NALCN: variants seen among roughly 807,000 people sequenced by gnomAD.
NALCN encodes the protein sodium leak channel, non-selective.
In NALCN, 111 loss-of-function variants were observed where a neutral mutation model predicts 225.3. That is an observed-to-expected ratio of 0.49 (90% CI 0.42 to 0.58). The LOEUF is 0.58. Ranked by LOEUF, NALCN falls within the 20% of genes least tolerant of loss-of-function variation. The probability of loss-of-function intolerance (pLI) is 0.00; values close to 1 mark genes in which losing one functional copy is unlikely to be tolerated. For missense variants in NALCN, 1,378 were observed against 2,202.4 expected, an observed-to-expected ratio of 0.63 and a Z score of 7.49; for synonymous variants, 764 against 769.0, an observed-to-expected ratio of 0.99 and a Z score of 0.11.
At chr13:101,271,098 C>T (rs1183905767) in intron 10 of NALCN, among the ~76,000 whole-genome samples, 3 of 152,012 alleles carry the variant, frequency 2.0e-5, no homozygotes, top group Non-Finnish European at 4.4e-5. Flanking sequence ...ATGTGGCATG[C>T]AAATAATTTT....
At chr13:101,061,872 C>T (rs185573095) in intron 41 of NALCN, 96 bp downstream of exon 41, 49 of 1,178,076 alleles carry the variant, frequency 4.2e-5, no homozygotes, top group Non-Finnish European at 5.9e-6. Flanking sequence ...ACAGAAGGAG[C>T]TAATCCCATG....
chr13:101,268,872 T>C (rs1379750101), intron 10 of NALCN, among the ~76,000 whole-genome samples: 1 of 152,210 alleles, frequency 6.6e-6, no homozygotes, highest in Non-Finnish European at 1.5e-5. Context: ...ATTTAAACTA[T>C]CTTATAGAAC....
At chr13:101,102,321 C>T (rs1192781801) in intron 26 of NALCN, among the ~76,000 whole-genome samples, 1 of 151,892 alleles carries the variant, frequency 6.6e-6, no homozygotes, top group Non-Finnish European at 1.5e-5. Context: ...GATATATATA[C>T]CTCTAGTAAC....
At chr13:101,250,334 G>C (rs909721325) in intron 11 of NALCN, among the ~76,000 whole-genome samples, 2 of 151,958 alleles carry the variant, frequency 1.3e-5, no homozygotes, top group Non-Finnish European at 2.9e-5. Context: ...ATCTGAAGAA[G>C]AATATCAACA....
At chr13:101,259,266 G>A (rs2140219395) in intron 10 of NALCN, among the ~76,000 whole-genome samples, 1 of 151,908 alleles carries the variant, frequency 6.6e-6, no homozygotes, top group Non-Finnish European at 1.5e-5. Context: ...ACCCAAGTCT[G>A]GTCCAAGTCT....
intron 3 of NALCN, among the ~76,000 whole-genome samples, chr13:101,393,679 T>G (rs35431211): frequency 0.037 from 5,649 of 152,224 alleles, 145 homozygotes; most frequent in Admixed American, 0.073. Flanking sequence ...TGGTGGCTTA[T>G]GCCTGTAATC....
At chr13:101,180,005 T>C (rs7318192) in intron 14 of NALCN, among the ~76,000 whole-genome samples, 37,764 of 151,988 alleles carry the variant, frequency 0.25, 5,442 homozygotes, top group Non-Finnish European at 0.33. Flanking sequence ...TTGTGCTCTT[T>C]TGTGTCTTAC....
chr13:101,109,456 T>C (rs2035313570), intron 20 of NALCN, among the ~76,000 whole-genome samples: 1 of 152,126 alleles, frequency 6.6e-6, no homozygotes, highest in South Asian at 2.1e-4. Context: ...TTCTACAGAA[T>C]GAAAGCAGAT....
Position 101,106,990 on chromosome 13 carries a change from G to A in NALCN, c.2579+497C>T, listed in dbSNP as rs988324576. Among the ~76,000 whole-genome samples the A allele has an allele frequency of 3.9e-5, 6 of 152,110 alleles. No homozygotes were observed. In the East Asian group the frequency reaches 5.8e-4, roughly 15 times the overall value. On this transcript the variant is annotated intron_variant, in intron 22 of 43. Coordinates refer to ENST00000251127, the MANE Select transcript of NALCN (RefSeq NM_052867.4). ...ACGGCTTCTTACACATTTCTTCCAT[G>A]TTGGTAGGGTAGAGACAGTGAACAG...
intron 10 of NALCN, among the ~76,000 whole-genome samples, chr13:101,280,886 T>C (rs1347196944): frequency 1.3e-5 from 2 of 149,764 alleles, no homozygotes; most frequent in African/African-American, 5.0e-5. Flanking sequence ...CTCTCTCTTT[T>C]TTTTTTTTTT....
At chr13:101,067,638 GC>G (rs1214806795) in intron 39 of NALCN, among the ~76,000 whole-genome samples, 4 of 152,118 alleles carry the variant, frequency 2.6e-5, no homozygotes, top group Admixed American at 1.3e-4. Flanking sequence ...TCTGGCCTGA[GC>G]CCAAGGCTGA....
chr13:101,202,366 A>G (rs1191284701), intron 13 of NALCN, among the ~76,000 whole-genome samples: 1 of 152,186 alleles, frequency 6.6e-6, no homozygotes, highest in Non-Finnish European at 1.5e-5. Flanking sequence ...TATGGTAAAT[A>G]AAAGCTCCAG....
intron 7 of NALCN, among the ~76,000 whole-genome samples, chr13:101,342,741 G>A (rs1344854784): frequency 6.6e-6 from 1 of 152,088 alleles, no homozygotes; most frequent in African/African-American, 2.4e-5. Flanking sequence ...TTGATATTTG[G>A]ATGATTTTGG....
At chr13:101,211,635 G>C (rs552679468) in intron 13 of NALCN, among the ~76,000 whole-genome samples, 48 of 134,508 alleles carry the variant, frequency 3.6e-4, no homozygotes, top group Non-Finnish European at 6.4e-4. Context: ...TGGGGGGGGA[G>C]ACAATGACAA....
chr13:101,401,604 G>A (rs1478840243), intron 1 of NALCN, among the ~76,000 whole-genome samples: 1 of 152,086 alleles, frequency 6.6e-6, no homozygotes. Flanking sequence ...TTATGGATTT[G>A]TTTATCTAGA....
Position 101,104,514 on chromosome 13 carries a change from C to A in NALCN, c.2757+16G>T. 1 of 1,613,684 alleles carries A rather than the reference C, an allele frequency of 6.2e-7. No homozygotes were observed. Among genetic ancestry groups the A allele is most frequent in the Admixed American group, 1.7e-5 (1 of 59,990 alleles). ...CTCCTAGTTGTAAGCTGAGATTTTG[C>A]AGCGGTAAGCGGTACCTGCAAAGTA... On this transcript the variant is annotated intron_variant, in intron 24 of 43. Coordinates refer to ENST00000251127, the MANE Select transcript of NALCN (RefSeq NM_052867.4). The surrounding 1 kb of genome is among the most constrained non-coding windows in gnomAD (Gnocchi z 4.2).
chr13:101,102,603 GC>G (rs771771570), intron 26 of NALCN, among the ~76,000 whole-genome samples: 1 of 152,150 alleles, frequency 6.6e-6, no homozygotes, highest in Non-Finnish European at 1.5e-5. Flanking sequence ...ATCAATGTTT[GC>G]CCAGCTAGAA....
intron 3 of NALCN, among the ~76,000 whole-genome samples, chr13:101,383,697 A>G (rs2046911583): frequency 6.6e-6 from 1 of 152,234 alleles, no homozygotes; most frequent in Admixed American, 6.5e-5. Context: ...AATTATTTGT[A>G]TGCTTCTAAA....
intron 20 of NALCN, among the ~76,000 whole-genome samples, chr13:101,108,212 A>G (rs188106953): frequency 2.2e-3 from 339 of 151,370 alleles, no homozygotes; most frequent in African/African-American, 7.9e-3. Flanking sequence ...TAAAATATGT[A>G]TACGATTAAA....
Sources: allele counts gnomAD v4.1 joint callset (sites outside exome capture counted in the v4.1 genomes callset), GRCh38; gene constraint gnomAD v4.1.1; non-coding constraint Gnocchi (gnomAD v3.1); transcripts MANE v1.5; gene names NCBI Gene and HGNC (gene_info 2026-07-23, HGNC 2026-07-21).